The following EP300 variants were observed in gnomAD, a reference collection of about 807,000 sequenced individuals.
The protein encoded by EP300 is EP300 lysine acetyltransferase.
A neutral mutation model predicts 264.0 loss-of-function variants in EP300; 31 were observed. The ratio of observed to expected loss-of-function variants is 0.12; its 90% CI spans 0.09 to 0.16. EP300 has a LOEUF of 0.16. Ranked by LOEUF, EP300 falls within the 10% of genes least tolerant of loss-of-function variation. The pLI is 1.00. For synonymous variants in EP300, 1,340 were observed against 1,045.4 expected (o/e 1.28, Z -5.44); for missense variants, 2,766 against 3,052.9 (o/e 0.91, Z 2.21).
In EP300 at chr22:41,178,949, T is replaced by TAC. The variant is rs1329239009; in HGVS notation, c.7241_7242dup (p.Ter2415ThrfsTer6). ...AACCTCTCACAGAGTACACTAGACA[T>TAC]ACACTAGAGACACCTTGTAGTATTT... On this transcript the variant is annotated frameshift_variant, in exon 31 of 31. Transcript: ENST00000263253. LOFTEE classifies it high-confidence loss of function. The TAC allele has an allele frequency of 6.2e-7, 1 of 1,612,022 alleles. No individual in the cohort carries two copies. The highest frequency in any genetic ancestry group is 8.5e-7 in the Non-Finnish European group (1 of 1,179,448).
chr22:41,094,449 C>G (rs890951040), intron 1 of EP300, among the ~76,000 whole-genome samples: 1 of 152,164 alleles, frequency 6.6e-6, no homozygotes, highest in African/African-American at 2.4e-5. Flanking sequence ...TTAAGTTAAC[C>G]TGCAAAAATT....
At chr22:41,172,057 T>C (rs559438074) in intron 27 of EP300, among the ~76,000 whole-genome samples, 1 of 152,356 alleles carries the variant, frequency 6.6e-6, no homozygotes, top group South Asian at 2.1e-4. Context: ...CAGCAGATAC[T>C]ATTTCCAGTA....
chr22:41,101,384 T>G (rs867529174), intron 1 of EP300, among the ~76,000 whole-genome samples: 1 of 151,166 alleles, frequency 6.6e-6, no homozygotes, highest in Middle Eastern at 3.5e-3. Context: ...TAAGCATAAT[T>G]TTTTCTATTT....
At chr22:41,095,535 C>T (rs1314096898) in intron 1 of EP300, among the ~76,000 whole-genome samples, 1 of 151,330 alleles carries the variant, frequency 6.6e-6, no homozygotes, top group Non-Finnish European at 1.5e-5. Context: ...CCAGAGGTAC[C>T]ATTATATCTT....
chr22:41,158,724 G>GA, intron 19 of EP300: 1 of 527,786 alleles, frequency 1.9e-6, no homozygotes, highest in Non-Finnish European at 3.5e-6. Context: ...AAGAGCTTGA[G>GA]AAGTTAAGCA....
chr22:41,172,010 A>G (rs561731397), intron 27 of EP300, among the ~76,000 whole-genome samples: 1 of 152,340 alleles, frequency 6.6e-6, no homozygotes, highest in Non-Finnish European at 1.5e-5. Context: ...TCAACTAAAT[A>G]AAGAAGTTTT....
intron 6 of EP300, among the ~76,000 whole-genome samples, chr22:41,134,106 C>G (rs759965015): frequency 6.8e-6 from 1 of 146,702 alleles, no homozygotes; most frequent in Non-Finnish European, 1.5e-5. Flanking sequence ...TCTTTAGATT[C>G]TTCATTCCTG....
chr22:41,118,305 G>C (rs1283760990), intron 2 of EP300, among the ~76,000 whole-genome samples: 1 of 152,194 alleles, frequency 6.6e-6, no homozygotes, highest in Non-Finnish European at 1.5e-5. Context: ...CAACAGTGTA[G>C]ATGTTTCAGT....
chr22:41,160,775 T>G, intron 20 of EP300, 53 bp downstream of exon 20: 1 of 1,483,900 alleles, frequency 6.7e-7, no homozygotes, highest in Non-Finnish European at 9.4e-7. Context: ...GTCCAGTGAT[T>G]ATGCACAGCT....
chr22:41,103,304 T>G (rs570858133), intron 1 of EP300, among the ~76,000 whole-genome samples: 10 of 152,282 alleles, frequency 6.6e-5, no homozygotes, highest in African/African-American at 2.4e-4. Context: ...TTGCTGCACC[T>G]TTATCTCATT....
chr22:41,165,753 A>T (rs1314537865), intron 22 of EP300, among the ~76,000 whole-genome samples: 2 of 149,722 alleles, frequency 1.3e-5, no homozygotes, highest in Non-Finnish European at 3.0e-5. Flanking sequence ...TTTAATTTTT[A>T]ATTTTTGTAT....
Position 41,179,543 on chromosome 22 carries a change from A to C in EP300, c.*587A>C. On this transcript the variant is annotated 3_prime_UTR_variant, in exon 31 of 31. Coordinates refer to ENST00000263253, the MANE Select transcript of EP300 (RefSeq NM_001429.4). ...CTTTTAAAAAATGTTTAAAAAAAAA[A>C]AAAAACTGCCTTTCTTCCCCTCAAG... The C allele has an allele frequency of 5.2e-6, 1 of 191,720 alleles. No homozygotes were observed. The highest frequency in any genetic ancestry group is 1.1e-5 in the Non-Finnish European group (1 of 93,026). The allele number at this position is 191,720 out of a possible 1,614,324, so 11.9% of individuals were successfully genotyped here.
chr22:41,173,528 T>C (rs1357495856), intron 28 of EP300, 95 bp from the exon 29 acceptor site: 7 of 1,259,166 alleles, frequency 5.6e-6, no homozygotes, highest in Non-Finnish European at 7.9e-6. Context: ...CATAAGATTA[T>C]GATATCTAGT....
At chr22:41,130,970 G>A (rs537304635) in intron 5 of EP300, among the ~76,000 whole-genome samples, 1 of 152,258 alleles carries the variant, frequency 6.6e-6, no homozygotes, top group South Asian at 2.1e-4. Flanking sequence ...ATTGGGAATA[G>A]AAAATAGACA....
At chr22:41,173,230 C>T (rs190516270) in intron 28 of EP300, among the ~76,000 whole-genome samples, 1 of 152,298 alleles carries the variant, frequency 6.6e-6, no homozygotes, top group Admixed American at 6.5e-5. Context: ...TATTTGTAGG[C>T]TCATAACATT....
chr22:41,122,881 C>T (rs1231410229), intron 2 of EP300, among the ~76,000 whole-genome samples: 4 of 151,850 alleles, frequency 2.6e-5, no homozygotes, highest in Admixed American at 2.6e-4. Context: ...AAAATAAAAA[C>T]AAAAATTAGC....
chr22:41,176,628 G>C, intron 30 of EP300, 100 bp downstream of exon 30: 1 of 1,606,964 alleles, frequency 6.2e-7, no homozygotes, highest in Non-Finnish European at 8.5e-7. Context: ...GATGCTAGGG[G>C]CTTGGCCTCG....
chr22:41,164,020 G>T (rs777338802), intron 21 of EP300, 33 bp from the exon 22 acceptor site: 6 of 1,600,274 alleles, frequency 3.7e-6, no homozygotes, highest in South Asian at 2.2e-5. Flanking sequence ...TTAAGGTTTG[G>T]GGTTAATTTT....
chr22:41,125,739 T>C, intron 2 of EP300, 125 bp from the exon 3 acceptor site: 1 of 1,076,078 alleles, frequency 9.3e-7, no homozygotes. Flanking sequence ...GTAGTGTCTT[T>C]TCTAATAGAA....
Sources: allele counts gnomAD v4.1 joint callset (sites outside exome capture counted in the v4.1 genomes callset), GRCh38; gene constraint gnomAD v4.1.1; transcripts MANE v1.5; gene names NCBI Gene and HGNC (gene_info 2026-07-23, HGNC 2026-07-21).